PRKAG2: variants seen among roughly 807,000 people sequenced by gnomAD.
PRKAG2 encodes protein kinase AMP-activated non-catalytic subunit gamma 2, also known as 5'-AMP-activated protein kinase subunit gamma-2.
In PRKAG2, 26 loss-of-function variants were observed where a neutral mutation model predicts 69.6. That is an observed-to-expected ratio of 0.37 (90% confidence interval 0.27 to 0.52). The LOEUF (loss-of-function observed/expected upper bound fraction) is 0.52, where lower values mean the gene tolerates loss of function less well. Among genes scored for constraint, PRKAG2 ranks in the 20% least tolerant of loss-of-function variants. The pLI, the probability that PRKAG2 is intolerant of heterozygous loss-of-function variation, is 0.90. For synonymous variants in PRKAG2, 293 were observed against 285.0 expected, an observed-to-expected ratio of 1.03 and a Z score of -0.28; for missense variants, 557 against 740.0, an observed-to-expected ratio of 0.75 and a Z score of 2.87.
chr7:151,793,033 AG>A (rs1313031087), intron 1 of PRKAG2, among the ~76,000 whole-genome samples: 1 of 152,220 alleles, frequency 6.6e-6, no homozygotes, highest in Non-Finnish European at 1.5e-5. Context: ...GTCAAATGAG[AG>A]GGTTGAACTA....
At chr7:151,866,063 G>C (rs1243026137) in intron 1 of PRKAG2, among the ~76,000 whole-genome samples, 2 of 151,826 alleles carry the variant, frequency 1.3e-5, no homozygotes, top group Non-Finnish European at 2.9e-5. Context: ...GGAGAAGACA[G>C]GTTATTTATT....
At chr7:151,709,424 G>A (rs1188094131) in intron 3 of PRKAG2, among the ~76,000 whole-genome samples, 1 of 152,180 alleles carries the variant, frequency 6.6e-6, no homozygotes, top group Non-Finnish European at 1.5e-5. Context: ...GTTTGTGACT[G>A]TGTGACCCTG....
intron 6 of PRKAG2, among the ~76,000 whole-genome samples, chr7:151,576,801 A>G (rs1036013499): frequency 6.6e-6 from 1 of 152,168 alleles, no homozygotes; most frequent in Non-Finnish European, 1.5e-5. Flanking sequence ...GCACCTGGCC[A>G]GAAAAATACC....
chr7:151,841,839 AGGTAGTGATG>A (rs1201879540), intron 1 of PRKAG2, among the ~76,000 whole-genome samples: 11 of 144,494 alleles, frequency 7.6e-5, no homozygotes, highest in Middle Eastern at 4.8e-3. Context: ...TAGTGATGGT[AGGTAGTGATG>A]GGTAGTGATG....
At chr7:151,646,782 C>T (rs1827637108) in intron 4 of PRKAG2, among the ~76,000 whole-genome samples, 1 of 152,124 alleles carries the variant, frequency 6.6e-6, no homozygotes, top group African/African-American at 2.4e-5. Flanking sequence ...TGTAATATTA[C>T]AGATTACCTA....
chr7:151,871,058 G>A (rs370538863), intron 1 of PRKAG2, among the ~76,000 whole-genome samples: 6 of 152,156 alleles, frequency 3.9e-5, no homozygotes, highest in Admixed American at 2.0e-4. Flanking sequence ...TCTCTCTGAC[G>A]TCTTCCCTCT....
intron 5 of PRKAG2, among the ~76,000 whole-genome samples, chr7:151,608,863 A>C (rs957771150): frequency 5.9e-5 from 9 of 152,014 alleles, no homozygotes; most frequent in Non-Finnish European, 1.2e-4. Flanking sequence ...CACCTATGAA[A>C]GTGCCTCATG....
chr7:151,766,692 G>A (rs75012763), intron 3 of PRKAG2, among the ~76,000 whole-genome samples: 4,660 of 152,300 alleles, frequency 0.031, 96 homozygotes, highest in Non-Finnish European at 0.044. Context: ...AGTGGGGTCT[G>A]CTACTGTGTG....
At chr7:151,602,079 GT>G (rs1391799955) in intron 5 of PRKAG2, among the ~76,000 whole-genome samples, 10 of 152,268 alleles carry the variant, frequency 6.6e-5, no homozygotes, top group Non-Finnish European at 1.2e-4. Context: ...GAGAGATCTG[GT>G]CCGTGTCCGC....
At chr7:151,629,794 C>G (rs1210123746) in intron 5 of PRKAG2, among the ~76,000 whole-genome samples, 1 of 152,156 alleles carries the variant, frequency 6.6e-6, no homozygotes, top group Non-Finnish European at 1.5e-5. Context: ...AAGACGTTAA[C>G]AGGGTATGCT....
At chr7:151,862,014 G>A (rs190767126) in intron 1 of PRKAG2, among the ~76,000 whole-genome samples, 1 of 151,750 alleles carries the variant, frequency 6.6e-6, no homozygotes, top group Non-Finnish European at 1.5e-5. Flanking sequence ...TCCCCTCAGT[G>A]GACGGATGCT....
chr7:151,581,274 G>A (rs1270245150), intron 6 of PRKAG2, among the ~76,000 whole-genome samples: 1 of 152,104 alleles, frequency 6.6e-6, no homozygotes, highest in Non-Finnish European at 1.5e-5. Flanking sequence ...TGGACTAAAC[G>A]GTAATTAAAT....
intron 5 of PRKAG2, among the ~76,000 whole-genome samples, chr7:151,596,317 A>G (rs1005885164): frequency 2.6e-5 from 4 of 152,246 alleles, no homozygotes; most frequent in Non-Finnish European, 5.9e-5. Flanking sequence ...ATTTCTATAC[A>G]CTAATAGACA....
rs1356361067 is a variant in PRKAG2 at position 151,756,945 on chromosome 7, G to T, written c.466+24207C>A. On this transcript the variant is annotated intron_variant, in intron 3 of 15. Transcript: ENST00000287878. The surrounding 1 kb of genome is among the most constrained non-coding windows in gnomAD (Gnocchi z 4.9). The stretch of plus-strand genomic sequence containing the variant: ...GCAGGAGACGATTCAGACGGGGTCA[G>T]CGCTGCGATTCGGGGGAGTAACCAG... Among the ~76,000 whole-genome samples, 1 of 152,222 alleles carries T rather than the reference G, an allele frequency of 6.6e-6. No homozygotes were observed. The highest frequency in any genetic ancestry group is 1.5e-5 in the Non-Finnish European group (1 of 68,040).
chr7:151,716,025 G>A (rs1796130318), intron 3 of PRKAG2, among the ~76,000 whole-genome samples: 1 of 152,206 alleles, frequency 6.6e-6, no homozygotes, highest in Admixed American at 6.5e-5. Context: ...GTGGGTGTGT[G>A]CAGGGATGGA....
At chr7:151,634,191 C>T (rs890021156) in intron 4 of PRKAG2, among the ~76,000 whole-genome samples, 1 of 151,976 alleles carries the variant, frequency 6.6e-6, no homozygotes, top group African/African-American at 2.4e-5. Context: ...AATAGAAAAC[C>T]CAGAAATAGA....
At chr7:151,602,505 GATTAT>G (rs1405445135) in intron 5 of PRKAG2, among the ~76,000 whole-genome samples, 2 of 152,090 alleles carry the variant, frequency 1.3e-5, no homozygotes, top group Non-Finnish European at 1.5e-5. Context: ...TTTGGTGTTA[GATTAT>G]ATTTTTAATA....
chr7:151,797,814 C>T (rs755948658), intron 1 of PRKAG2, among the ~76,000 whole-genome samples: 27 of 152,150 alleles, frequency 1.8e-4, no homozygotes, highest in African/African-American at 3.1e-4. Flanking sequence ...CGGGGTGAGC[C>T]GGCCACTCCC....
chr7:151,646,248 G>A (rs931423885), intron 4 of PRKAG2, among the ~76,000 whole-genome samples: 2 of 152,104 alleles, frequency 1.3e-5, no homozygotes, highest in East Asian at 1.9e-4. Flanking sequence ...TGGCTGGGAC[G>A]GCATTTGATC....
Sources: allele counts gnomAD v4.1 joint callset (sites outside exome capture counted in the v4.1 genomes callset), GRCh38; gene constraint gnomAD v4.1.1; non-coding constraint Gnocchi (gnomAD v3.1); transcripts MANE v1.5; gene names NCBI Gene and HGNC (gene_info 2026-07-23, HGNC 2026-07-21).